The following SOX5 variants were observed in gnomAD, a reference collection of about 807,000 sequenced individuals.
SOX5 encodes the protein SRY-box transcription factor 5, also known as transcription factor SOX-5.
Under a neutral mutation model 92.0 loss-of-function variants are expected in SOX5, and 9 were observed. The observed-to-expected ratio is 0.10, with a 90% CI of 0.06 to 0.17. The LOEUF is 0.17. Ranked by LOEUF, SOX5 falls within the 10% of genes least tolerant of loss-of-function variation. SOX5 has a pLI of 1.00. For missense variants in SOX5, 642 were observed against 944.5 expected, an observed-to-expected ratio of 0.68 and a Z score of 4.20; for synonymous variants, 344 against 336.3, an observed-to-expected ratio of 1.02 and a Z score of -0.25.
At chr12:24,285,254 C>T (rs373972502) in intron 2 of SOX5, among the ~76,000 whole-genome samples, 10 of 152,138 alleles carry the variant, frequency 6.6e-5, no homozygotes, top group Admixed American at 1.3e-4. Context: ...TACCATTTAT[C>T]CCCCTTATTC....
At chr12:24,279,729 C>G (rs961928760) in intron 2 of SOX5, among the ~76,000 whole-genome samples, 2 of 152,020 alleles carry the variant, frequency 1.3e-5, no homozygotes, top group Non-Finnish European at 2.9e-5. Context: ...AAAAATAAAA[C>G]GAATTCATCA....
chr12:24,177,392 C>T (rs1346858195), intron 4 of SOX5, among the ~76,000 whole-genome samples: 1 of 151,996 alleles, frequency 6.6e-6, no homozygotes, highest in Non-Finnish European at 1.5e-5. Context: ...TCATAAATAC[C>T]CTAGAAAATG....
chr12:24,096,627 A>C (rs1219542873), intron 4 of SOX5, among the ~76,000 whole-genome samples: 1 of 152,242 alleles, frequency 6.6e-6, no homozygotes, highest in Non-Finnish European at 1.5e-5. Context: ...AAAATGTGCC[A>C]AAATTCCCTT....
At chr12:23,555,728 A>AACTT (rs778539285) in intron 11 of SOX5, among the ~76,000 whole-genome samples, 11 of 152,240 alleles carry the variant, frequency 7.2e-5, no homozygotes, top group Non-Finnish European at 1.5e-4. Flanking sequence ...AAAAGGACTA[A>AACTT]ACTTCAAGCT....
intron 6 of SOX5, among the ~76,000 whole-genome samples, chr12:23,715,151 T>C (rs891687415): frequency 6.6e-6 from 1 of 151,926 alleles, no homozygotes; most frequent in Non-Finnish European, 1.5e-5. Flanking sequence ...TGCAAAAAAT[T>C]AGCCGGGTGC....
chr12:24,228,624 T>G (rs1485219009), intron 3 of SOX5, among the ~76,000 whole-genome samples: 1 of 152,188 alleles, frequency 6.6e-6, no homozygotes, highest in Non-Finnish European at 1.5e-5. Context: ...AGTACTGGCA[T>G]CTTCCTTTCT....
intron 1 of SOX5, among the ~76,000 whole-genome samples, chr12:24,512,884 C>T (rs1169122648): frequency 6.6e-6 from 1 of 152,196 alleles, no homozygotes; most frequent in African/African-American, 2.4e-5. Context: ...ATTAGGTAGG[C>T]TTAATCAAGT....
intron 5 of SOX5, among the ~76,000 whole-genome samples, chr12:23,735,706 T>A (rs1418472358): frequency 6.6e-6 from 1 of 152,208 alleles, no homozygotes; most frequent in Non-Finnish European, 1.5e-5. Flanking sequence ...AGTCCCAAAC[T>A]AAATTTGAGA....
chr12:24,263,670 AAAAATAGATT>A, intron 3 of SOX5, among the ~76,000 whole-genome samples: 1 of 152,206 alleles, frequency 6.6e-6, no homozygotes, highest in East Asian at 1.9e-4. Context: ...GTTAAAATAA[AAAAATAGATT>A]AAAATCTTAG....
intron 2 of SOX5, among the ~76,000 whole-genome samples, chr12:24,322,687 G>C (rs1950316093): frequency 6.6e-6 from 1 of 151,996 alleles, no homozygotes; most frequent in African/African-American, 2.4e-5. Flanking sequence ...CAAGTTAAAA[G>C]TGGAAGAAAA....
chr12:24,045,939 G>A (rs7963202), intron 4 of SOX5, among the ~76,000 whole-genome samples: 9,473 of 152,142 alleles, frequency 0.062, 415 homozygotes, highest in Non-Finnish European at 0.096. Flanking sequence ...GCTGTTTTTG[G>A]TTTTGTTGTC....
chr12:23,877,548 T>C (rs1039075112), intron 2 of SOX5, among the ~76,000 whole-genome samples: 3 of 152,142 alleles, frequency 2.0e-5, no homozygotes, highest in Non-Finnish European at 2.9e-5. Flanking sequence ...CAATGCGATA[T>C]TACTTCCTGG....
At chr12:24,375,220 G>A (rs1024425300) in intron 1 of SOX5, among the ~76,000 whole-genome samples, 2 of 151,574 alleles carry the variant, frequency 1.3e-5, no homozygotes, top group Admixed American at 6.6e-5. Context: ...TGATCCACCC[G>A]CCTCAGCCTC....
Position 23,546,438 on chromosome 12 carries a change from A to G in SOX5, c.1489-14T>C. 2 of 1,365,994 alleles carry G rather than the reference A, an allele frequency of 1.5e-6. No homozygotes were observed. Among genetic ancestry groups the G allele is most frequent in the Non-Finnish European group, 2.1e-6 (2 of 958,790 alleles). 84.6% of individuals were successfully genotyped at this position (1,365,994 alleles called of 1,614,324 possible). ...TGTTGTTTTTTCCTTTAAAAAAATT[A>G]TAATGAGAGATCAGTCTAGGAATTA... On this transcript the variant is annotated splice_polypyrimidine_tract_variant and intron_variant, in intron 11 of 14. Transcript: ENST00000451604.
At chr12:23,656,391 T>C (rs543494711) in intron 7 of SOX5, among the ~76,000 whole-genome samples, 32 of 152,042 alleles carry the variant, frequency 2.1e-4, no homozygotes, top group Non-Finnish European at 3.5e-4. Context: ...AAATATCACA[T>C]ACTAGAAATG....
rs11047480 is a variant in SOX5, at chr12:24,505,854, C to T, written c.-251+56475G>A. On this transcript the variant is annotated intron_variant, in intron 1 of 4. Coordinates refer to the SOX5 transcript ENST00000446891. ...ATGTGTGTGTGTGTGTGTGTGTGTG[C>T]GTGTGTGTGTGTGTGTGTGCGCATC... Among the ~76,000 whole-genome samples the T allele has an allele frequency of 8.6e-3, 781 of 91,236 alleles. 9 individuals carry two copies. The highest frequency in any genetic ancestry group is 0.027 in the African/African-American group (657 of 24,224). 59.9% of individuals were successfully genotyped at this position (91,236 alleles called of 152,430 possible).
intron 1 of SOX5, among the ~76,000 whole-genome samples, chr12:24,390,395 T>C (rs1201899537): frequency 2.0e-5 from 3 of 152,302 alleles, no homozygotes; most frequent in Middle Eastern, 6.8e-3. Flanking sequence ...AGTTGAAAAT[T>C]AAACCTGTAA....
At chr12:23,878,932 C>T (rs1172878832) in intron 2 of SOX5, among the ~76,000 whole-genome samples, 1 of 152,102 alleles carries the variant, frequency 6.6e-6, no homozygotes, top group Non-Finnish European at 1.5e-5. Flanking sequence ...CCTGAAGTTA[C>T]TCCTTTTAGC....
intron 8 of SOX5, among the ~76,000 whole-genome samples, chr12:23,633,259 T>C (rs534623428): frequency 4.6e-5 from 7 of 152,162 alleles, no homozygotes; most frequent in Middle Eastern, 3.4e-3. Context: ...ACAGAAGAAT[T>C]ATTACTATTA....
Sources: allele counts gnomAD v4.1 joint callset (sites outside exome capture counted in the v4.1 genomes callset), GRCh38; gene constraint gnomAD v4.1.1; transcripts MANE v1.5; gene names NCBI Gene and HGNC (gene_info 2026-07-23, HGNC 2026-07-21).